Variants in DAPK2 observed in about 807,000 individuals in gnomAD.
The protein encoded by DAPK2 is death-associated protein kinase 2.
In DAPK2, 35 loss-of-function variants were observed where a neutral mutation model predicts 44.1. The observed-to-expected ratio is 0.79, with a 90% CI of 0.61 to 1.05. The LOEUF is 1.05. DAPK2 is among the 50% of genes least tolerant of loss of function. DAPK2 has a pLI of 0.00. For missense variants in DAPK2, 453 were observed against 483.2 expected (o/e 0.94, Z 0.59); for synonymous variants, 174 against 182.6 (o/e 0.95, Z 0.38).
chr15:63,942,147 G>A (rs2077327201), intron 3 of DAPK2: 10 of 903,494 alleles, frequency 1.1e-5, no homozygotes, highest in Non-Finnish European at 1.3e-5. Context: ...GGGATGAGGT[G>A]GTGGAGGGGA....
intron 3 of DAPK2, among the ~76,000 whole-genome samples, chr15:63,953,179 G>A (rs1414459483): frequency 2.9e-5 from 4 of 140,216 alleles, no homozygotes; most frequent in African/African-American, 1.1e-4. Flanking sequence ...TCATTCTTGT[G>A]CCTTTGCAAC....
intron 3 of DAPK2, among the ~76,000 whole-genome samples, chr15:63,955,986 G>T (rs2077711433): frequency 6.6e-6 from 1 of 152,190 alleles, no homozygotes; most frequent in South Asian, 2.1e-4. Flanking sequence ...TGTTATTGGT[G>T]TGCAGGTTTT....
chr15:64,001,080 A>G (rs1184567491), intron 1 of DAPK2, among the ~76,000 whole-genome samples: 1 of 151,844 alleles, frequency 6.6e-6, no homozygotes, highest in East Asian at 1.9e-4. Context: ...GGGTTTCACC[A>G]TGTTGGCCAG....
At chr15:63,930,944 C>T (rs921316350) in intron 4 of DAPK2, among the ~76,000 whole-genome samples, 1 of 151,924 alleles carries the variant, frequency 6.6e-6, no homozygotes, top group Non-Finnish European at 1.5e-5. Flanking sequence ...GTCTGCAGTC[C>T]CAGGTACTTG....
At chr15:63,935,273 T>G (rs970668225) in intron 4 of DAPK2, among the ~76,000 whole-genome samples, 15 of 152,164 alleles carry the variant, frequency 9.9e-5, no homozygotes, top group African/African-American at 3.4e-4. Flanking sequence ...GTATTTTTAG[T>G]AGAGACAGGG....
chr15:64,006,062 A>G (rs4776710), intron 1 of DAPK2, among the ~76,000 whole-genome samples: 80,142 of 144,898 alleles, frequency 0.55, 23,468 homozygotes, highest in East Asian at 0.99. Flanking sequence ...AAACCCCACA[A>G]AAAACCCTCT....
intron 3 of DAPK2, among the ~76,000 whole-genome samples, chr15:63,943,883 A>T (rs1355230976): frequency 6.6e-6 from 1 of 152,100 alleles, no homozygotes; most frequent in Non-Finnish European, 1.5e-5. Context: ...CTCAAAAAAA[A>T]CAAAACAAAA....
Position 63,983,762 on chromosome 15 carries a change from G to A in DAPK2, c.93-8C>T. ...ACGATGGCAAACTGGCCACTGTGGGGACACAGACCCACAAGATTAGGTCAT... is the reference window on the plus strand; with the variant it reads ...ACGATGGCAAACTGGCCACTGTGGGAACACAGACCCACAAGATTAGGTCAT... On this transcript the variant is annotated splice_region_variant and splice_polypyrimidine_tract_variant and intron_variant, in intron 1 of 10. Coordinates refer to ENST00000261891, the Ensembl canonical transcript of DAPK2. 1.2e-6 allele frequency: 2 copies of A among 1,608,302 alleles called. No homozygotes were observed. The highest frequency in any genetic ancestry group is 1.7e-6 in the Non-Finnish European group (2 of 1,179,010).
chr15:64,036,908 G>A (rs1051828150), intron 1 of DAPK2, among the ~76,000 whole-genome samples: 6 of 152,048 alleles, frequency 3.9e-5, no homozygotes, highest in African/African-American at 1.2e-4. Flanking sequence ...CCAAAGGCTC[G>A]ATCTGTTCAC....
chr15:63,915,414 G>T (rs1014669230), intron 8 of DAPK2, among the ~76,000 whole-genome samples: 4 of 152,200 alleles, frequency 2.6e-5, no homozygotes, highest in African/African-American at 4.8e-5. Flanking sequence ...TGACCTTTGA[G>T]CCTAACCCTC....
chr15:63,948,058 G>A (rs1429618530), intron 3 of DAPK2, among the ~76,000 whole-genome samples: 4 of 151,928 alleles, frequency 2.6e-5, no homozygotes, highest in East Asian at 1.9e-4. Context: ...ACCTGAGGTC[G>A]GGAGTTCAAG....
At chr15:63,942,354 C>G in intron 3 of DAPK2, 2 of 421,436 alleles carry the variant, frequency 4.7e-6, no homozygotes, top group Non-Finnish European at 6.4e-6. Flanking sequence ...GCGTTCGAGA[C>G]CAGCCTGGCC....
rs997237224 is a variant in DAPK2, at chr15:63,912,603, T to C, written c.859-406A>G. On this transcript the variant is annotated intron_variant, in intron 8 of 10. Coordinates refer to ENST00000261891, the Ensembl canonical transcript of DAPK2. The surrounding 1 kb of genome is among the most constrained non-coding windows in gnomAD (Gnocchi z 4.4). Reference sequence around the variant, plus strand: ...GCCTTGTTGGTAGACGGGGAATTCATACTCCATTAAAAAATAAATGGAAGG... The same window carrying C: ...GCCTTGTTGGTAGACGGGGAATTCACACTCCATTAAAAAATAAATGGAAGG... Among the ~76,000 whole-genome samples the C allele has an allele frequency of 4.6e-4, 70 of 152,178 alleles. 2 individuals carry two copies. The highest frequency in any genetic ancestry group is 1.8e-4 in the Non-Finnish European group (12 of 68,032).
intron 1 of DAPK2, among the ~76,000 whole-genome samples, chr15:63,985,612 G>A (rs752068693): frequency 5.2e-4 from 79 of 152,208 alleles, no homozygotes; most frequent in Non-Finnish European, 9.7e-4. Context: ...CAAAGCTTAA[G>A]GGTGGTAAGG....
chr15:63,953,013 G>A (rs189611304), intron 3 of DAPK2, among the ~76,000 whole-genome samples: 6 of 152,030 alleles, frequency 3.9e-5, no homozygotes, highest in South Asian at 2.1e-4. Flanking sequence ...TGGGCTTTGG[G>A]GGAACAGGTG....
intron 2 of DAPK2, 125 bp from the exon 4 acceptor site, chr15:63,971,686 T>G: frequency 9.4e-7 from 1 of 1,058,220 alleles, no homozygotes; most frequent in South Asian, 1.6e-5. Flanking sequence ...AGAATCCCCC[T>G]GGCTTATTTC....
intron 3 of DAPK2, among the ~76,000 whole-genome samples, chr15:63,959,953 G>A (rs182799481): frequency 6.6e-6 from 1 of 152,136 alleles, no homozygotes; most frequent in African/African-American, 2.4e-5. Context: ...TTGTACCTCT[G>A]GTAGAATTCG....
At chr15:63,948,028 G>C (rs1038473354) in intron 3 of DAPK2, among the ~76,000 whole-genome samples, 4 of 152,090 alleles carry the variant, frequency 2.6e-5, no homozygotes, top group African/African-American at 4.8e-5. Flanking sequence ...AGTACTTTGG[G>C]AGGCCGAGGT....
chr15:63,923,483 G>A lies in DAPK2; in HGVS notation c.858+1333C>T, dbSNP rs2079147176. On this transcript the variant is annotated intron_variant, in intron 8 of 10. Coordinates refer to ENST00000261891, the Ensembl canonical transcript of DAPK2. The surrounding 1 kb of genome is among the most constrained non-coding windows in gnomAD (Gnocchi z 4.2). ...CAGGCCATGGGGAGAACCAGGGTGG[G>A]ATGAGCACCTCCTTAGGCCATAAGT... 2.8e-6 allele frequency: 4 copies of A among 1,421,552 alleles called. No homozygotes were observed. Among genetic ancestry groups the A allele is most frequent in the South Asian group, 1.5e-5 (1 of 68,530 alleles). The allele number at this position is 1,421,552 out of a possible 1,614,324, so 88.1% of individuals were successfully genotyped here.
Sources: allele counts gnomAD v4.1 joint callset (sites outside exome capture counted in the v4.1 genomes callset), GRCh38; gene constraint gnomAD v4.1.1; non-coding constraint Gnocchi (gnomAD v3.1); transcripts MANE v1.5; gene names NCBI Gene and HGNC (gene_info 2026-07-23, HGNC 2026-07-21).